Variants in NRF1 observed in about 807,000 individuals in gnomAD.
NRF1 encodes the protein alpha palindromic-binding protein.
A neutral mutation model predicts 58.5 loss-of-function variants in NRF1; 5 were observed. The ratio of observed to expected loss-of-function variants is 0.09; its 90% CI spans 0.04 to 0.18. The LOEUF (loss-of-function observed/expected upper bound fraction) is 0.18, where lower values mean the gene tolerates loss of function less well. Among genes scored for constraint, NRF1 ranks in the 10% least tolerant of loss-of-function variants. The pLI is 1.00. For missense variants in NRF1, 288 were observed against 657.7 expected (o/e 0.44, Z 6.15); for synonymous variants, 224 against 246.7 (o/e 0.91, Z 0.86).
intron 1 of NRF1, among the ~76,000 whole-genome samples, chr7:129,625,525 C>A (rs901849973): frequency 6.6e-6 from 1 of 151,816 alleles, no homozygotes; most frequent in Non-Finnish European, 1.5e-5. Context: ...TTTTTAGAAA[C>A]AGTCTCTTTC....
At chr7:129,688,603 G>T (rs1802493442) in intron 4 of NRF1, among the ~76,000 whole-genome samples, 1 of 152,128 alleles carries the variant, frequency 6.6e-6, no homozygotes, top group African/African-American at 2.4e-5. Context: ...TTGACTTACA[G>T]TTCCACATGG....
chr7:129,643,047 C>T (rs1801330442), intron 1 of NRF1, among the ~76,000 whole-genome samples: 1 of 151,996 alleles, frequency 6.6e-6, no homozygotes, highest in African/African-American at 2.4e-5. Flanking sequence ...AATACACATG[C>T]TACAATAATG....
At chr7:129,708,534 C>G (rs922585858) in intron 5 of NRF1, among the ~76,000 whole-genome samples, 7 of 152,112 alleles carry the variant, frequency 4.6e-5, no homozygotes, top group African/African-American at 1.7e-4. Context: ...GTTTGTTTTC[C>G]TATATTTTAT....
At chr7:129,650,639 G>C (rs761655663) in intron 1 of NRF1, among the ~76,000 whole-genome samples, 2 of 152,038 alleles carry the variant, frequency 1.3e-5, no homozygotes, top group Non-Finnish European at 2.9e-5. Flanking sequence ...ATTAATGTCA[G>C]GCACTTATTG....
chr7:129,619,980 A>G (rs1800756098), intron 1 of NRF1, among the ~76,000 whole-genome samples: 2 of 151,968 alleles, frequency 1.3e-5, no homozygotes, highest in African/African-American at 2.4e-5. Flanking sequence ...TGCATGTGTG[A>G]TTTTTCTGGG....
At chr7:129,740,062 G>T (rs956425361) in intron 10 of NRF1, among the ~76,000 whole-genome samples, 2 of 152,136 alleles carry the variant, frequency 1.3e-5, no homozygotes, top group Admixed American at 1.3e-4. Flanking sequence ...CAGCTCAGTG[G>T]TGATTCTTCA....
chr7:129,734,087 A>T (rs1165864556), intron 10 of NRF1, among the ~76,000 whole-genome samples: 1 of 152,218 alleles, frequency 6.6e-6, no homozygotes, highest in African/African-American at 2.4e-5. Flanking sequence ...GACCTAGGAC[A>T]TCAACATACT....
chr7:129,747,018 C>CCT (rs1211529340), intron 10 of NRF1, among the ~76,000 whole-genome samples: 1 of 152,154 alleles, frequency 6.6e-6, no homozygotes, highest in Non-Finnish European at 1.5e-5. Context: ...GGTTGTCTGT[C>CCT]CTGCTCTATC....
At chr7:129,692,433 G>A (rs1338351624) in intron 5 of NRF1, among the ~76,000 whole-genome samples, 3 of 152,050 alleles carry the variant, frequency 2.0e-5, no homozygotes, top group Non-Finnish European at 4.4e-5. Flanking sequence ...TATGCATGTA[G>A]TCTCAAATAC....
At chr7:129,697,366 AC>A (rs1802723031) in intron 5 of NRF1, among the ~76,000 whole-genome samples, 1 of 151,680 alleles carries the variant, frequency 6.6e-6, no homozygotes, top group Non-Finnish European at 1.5e-5. Flanking sequence ...ACATGGTGAA[AC>A]CCCGTCTCCA....
In NRF1 at chr7:129,628,306, A is replaced by T. The variant is rs549635847; in HGVS notation, c.-7+16482A>T. Reference sequence around the variant, plus strand: ...TGATCTGCCCGTCTCGGTGGTTCTTAATCTTTGCTCTCCTGACCCTTTTAC... The same window carrying T: ...TGATCTGCCCGTCTCGGTGGTTCTTTATCTTTGCTCTCCTGACCCTTTTAC... On this transcript the variant is annotated intron_variant, in intron 1 of 10. Coordinates refer to ENST00000393232, the MANE Select transcript of NRF1 (RefSeq NM_005011.5). Among the ~76,000 whole-genome samples the T allele has an allele frequency of 3.2e-3, 465 of 144,258 alleles. 6 individuals are homozygous for T. Among genetic ancestry groups the T allele is most frequent in the South Asian group, 0.029 (131 of 4,470 alleles). The allele number at this position is 144,258 out of a possible 152,430, so 94.6% of individuals were successfully genotyped here.
At chr7:129,749,569 C>T (rs1269666149) in intron 10 of NRF1, among the ~76,000 whole-genome samples, 1 of 152,088 alleles carries the variant, frequency 6.6e-6, no homozygotes, top group African/African-American at 2.4e-5. Flanking sequence ...CCTGAAGTTT[C>T]TGAGTCACCT....
intron 2 of NRF1, 96 bp downstream of exon 2, chr7:129,657,670 C>T (rs1282655149): frequency 2.6e-6 from 2 of 759,730 alleles, no homozygotes; most frequent in African/African-American, 3.6e-5. Flanking sequence ...GGTGCAGCAG[C>T]ACAATCATGA....
At chr7:129,657,273 A>G (rs1036987962) in intron 1 of NRF1, 73 bp from the exon 2 acceptor site, 4 of 1,126,452 alleles carry the variant, frequency 3.6e-6, no homozygotes, top group Admixed American at 1.9e-5. Context: ...CTTGAATAAA[A>G]TATCTCTTAG....
At chr7:129,731,573 A>G (rs1803579659) in intron 10 of NRF1, among the ~76,000 whole-genome samples, 2 of 152,082 alleles carry the variant, frequency 1.3e-5, no homozygotes. Flanking sequence ...AGAATTGCCT[A>G]AGGCTGGTGA....
Position 129,707,078 on chromosome 7 carries a change from T to G in NRF1, c.607-1997T>G, listed in dbSNP as rs141170074. Among the ~76,000 whole-genome samples the G allele has an allele frequency of 2.2e-3, 332 of 152,226 alleles. 1 individual carries two copies. Among genetic ancestry groups the G allele is most frequent in the African/African-American group, 7.0e-3 (290 of 41,546 alleles). Reference sequence around the variant, plus strand: ...GCACCATCATGGCTCACTGCATCCTTGACCTCCTGAGCTCAAGCGATCCTC... The same window carrying G: ...GCACCATCATGGCTCACTGCATCCTGGACCTCCTGAGCTCAAGCGATCCTC... On this transcript the variant is annotated intron_variant, in intron 5 of 10. Coordinates refer to ENST00000393232, the MANE Select transcript of NRF1 (RefSeq NM_005011.5).
chr7:129,663,530 G>A lies in NRF1; in HGVS notation c.223+5956G>A, dbSNP rs1278320054. On this transcript the variant is annotated intron_variant, in intron 2 of 10. Transcript: ENST00000393232. ...AGAGGCGCTCCCCACCTCCCAGACG[G>A]GGTGGCCGGGCAGAGGGCTGCTCAC... 4.6e-5 allele frequency among the ~76,000 whole-genome samples: 7 copies of A among 150,730 alleles called. No homozygotes were observed. In the South Asian group the frequency reaches 1.5e-3, roughly 32 times the overall value.
At chr7:129,698,046 A>T (rs1584651648) in intron 5 of NRF1, among the ~76,000 whole-genome samples, 2 of 152,148 alleles carry the variant, frequency 1.3e-5, no homozygotes, top group Middle Eastern at 6.8e-3. Context: ...TTTACTTTTT[A>T]AAAGAATTTT....
intron 1 of NRF1, among the ~76,000 whole-genome samples, chr7:129,628,105 A>G (rs146406810): frequency 0.03 from 3,828 of 129,612 alleles, 59 homozygotes; most frequent in Middle Eastern, 0.12. Flanking sequence ...GTGCAGTGGC[A>G]TGATCTTGGC....
Sources: allele counts gnomAD v4.1 joint callset (sites outside exome capture counted in the v4.1 genomes callset), GRCh38; gene constraint gnomAD v4.1.1; transcripts MANE v1.5; gene names NCBI Gene and HGNC (gene_info 2026-07-23, HGNC 2026-07-21).